Variants in PAG1 observed in about 807,000 individuals in gnomAD.
PAG1 encodes the protein phosphoprotein associated with glycosphingolipid-enriched microdomains 1.
In PAG1, 23 loss-of-function variants were observed where a neutral mutation model predicts 31.7. The ratio of observed to expected loss-of-function variants is 0.73; its 90% CI spans 0.52 to 1.03. PAG1 has a LOEUF of 1.03. Ranked by LOEUF, PAG1 falls within the 50% of genes least tolerant of loss-of-function variation. The pLI is 0.00. For synonymous variants in PAG1, 214 were observed against 210.3 expected (o/e 1.02, Z -0.15); for missense variants, 473 against 540.7 (o/e 0.87, Z 1.24).
At chr8:81,063,144 A>G (rs1184479244) in intron 2 of PAG1, among the ~76,000 whole-genome samples, 2 of 152,176 alleles carry the variant, frequency 1.3e-5, no homozygotes, top group African/African-American at 4.8e-5. Context: ...GAACTGAGTC[A>G]TCTCTCCCAG....
chr8:81,093,094 C>A (rs1395300625), intron 1 of PAG1, among the ~76,000 whole-genome samples: 1 of 152,130 alleles, frequency 6.6e-6, no homozygotes, highest in Non-Finnish European at 1.5e-5. Flanking sequence ...CTAAAAACAA[C>A]AACAAAACAG....
chr8:81,022,495 G>T (rs775718444), intron 3 of PAG1, among the ~76,000 whole-genome samples: 1 of 152,020 alleles, frequency 6.6e-6, no homozygotes, highest in East Asian at 1.9e-4. Context: ...AGCCACATTT[G>T]GATGTAATAG....
intron 3 of PAG1, among the ~76,000 whole-genome samples, chr8:81,028,490 G>A (rs1032980060): frequency 2.0e-5 from 3 of 152,174 alleles, no homozygotes; most frequent in Non-Finnish European, 2.9e-5. Context: ...TGTTCATCAA[G>A]TATTTCTAAA....
At chr8:80,994,807 ATTTGC>A (rs1194861011) in intron 3 of PAG1, among the ~76,000 whole-genome samples, 2 of 152,234 alleles carry the variant, frequency 1.3e-5, no homozygotes, top group Non-Finnish European at 2.9e-5. Context: ...TTTAAAGAAT[ATTTGC>A]TTTGCTCAAT....
rs1807114744 is a variant in PAG1 at position 80,973,277 on chromosome 8, T to C, written c.*3267A>G. On this transcript the variant is annotated 3_prime_UTR_variant, in exon 9 of 9. Coordinates refer to ENST00000220597, the MANE Select transcript of PAG1 (RefSeq NM_018440.4). ...ATGGAATTTAAGATTTCCTCAAATA[T>C]TTTCTTTTCTATATAGCGTTTTGTT... 1 of 152,176 alleles carries C rather than the reference T, an allele frequency of 6.6e-6. No homozygotes were observed. The highest frequency in any genetic ancestry group is 1.5e-5 in the Non-Finnish European group (1 of 68,032). 9.4% of individuals were successfully genotyped at this position (152,176 alleles called of 1,614,324 possible).
intron 2 of PAG1, among the ~76,000 whole-genome samples, chr8:81,053,013 C>A (rs540369727): frequency 6.6e-6 from 1 of 152,278 alleles, no homozygotes; most frequent in African/African-American, 2.4e-5. Flanking sequence ...TTACAATGCT[C>A]TTCTGTGCTC....
chr8:80,994,261 G>A (rs927600276), intron 3 of PAG1, among the ~76,000 whole-genome samples: 8 of 152,188 alleles, frequency 5.3e-5, no homozygotes, highest in Admixed American at 2.6e-4. Context: ...TGTATTCTGA[G>A]TATGTTTACA....
chr8:81,027,777 T>C (rs1563634703), intron 3 of PAG1, among the ~76,000 whole-genome samples: 2 of 151,896 alleles, frequency 1.3e-5, no homozygotes, highest in South Asian at 2.1e-4. Context: ...TGGTGGCGGA[T>C]GCCTGTAGTC....
intron 1 of PAG1, among the ~76,000 whole-genome samples, chr8:81,096,281 G>A (rs1290811881): frequency 2.6e-5 from 4 of 151,944 alleles, no homozygotes; most frequent in African/African-American, 4.9e-5. Context: ...TGGTCCTTGC[G>A]TATGGCCCTC....
chr8:81,081,099 C>A (rs981555003), intron 1 of PAG1, among the ~76,000 whole-genome samples: 14 of 152,148 alleles, frequency 9.2e-5, no homozygotes, highest in African/African-American at 3.4e-4. Context: ...TTCTTCTTTA[C>A]AATAATGCTG....
intron 2 of PAG1, among the ~76,000 whole-genome samples, chr8:81,042,741 G>A (rs957893134): frequency 6.6e-6 from 1 of 151,902 alleles, no homozygotes; most frequent in African/African-American, 2.4e-5. Context: ...GAAGAGAAGG[G>A]GTAAAGACTT....
intron 1 of PAG1, among the ~76,000 whole-genome samples, chr8:81,103,648 A>G (rs1809645104): frequency 6.6e-6 from 1 of 152,220 alleles, no homozygotes; most frequent in Non-Finnish European, 1.5e-5. Context: ...ATTATAGGAT[A>G]TTTTACTCAG....
chr8:80,971,807 A>T lies in PAG1; in HGVS notation c.*4737T>A, dbSNP rs1807083413. ...ATACTTCACAAATAGTAGAGACTAG[A>T]TGTAAACACAGACCTAAAAATGAGC... On this transcript the variant is annotated 3_prime_UTR_variant, in exon 9 of 9. Transcript: ENST00000220597. The T allele has an allele frequency of 6.6e-6, 1 of 152,270 alleles. No individual in the cohort carries two copies. The highest frequency in any genetic ancestry group is 2.1e-4 in the South Asian group (1 of 4,834). The allele number at this position is 152,270 out of a possible 1,614,324, so 9.4% of individuals were successfully genotyped here.
intron 1 of PAG1, among the ~76,000 whole-genome samples, chr8:81,087,923 T>C (rs962382904): frequency 6.6e-6 from 1 of 152,204 alleles, no homozygotes; most frequent in African/African-American, 2.4e-5. Context: ...TGAGATGTCA[T>C]TGGGCCCCTC....
At chr8:81,008,999 CAGA>C (rs1169033515) in intron 3 of PAG1, among the ~76,000 whole-genome samples, 2 of 151,996 alleles carry the variant, frequency 1.3e-5, no homozygotes, top group Admixed American at 6.6e-5. Flanking sequence ...TTTTACTTCT[CAGA>C]AGAAGGTTTT....
intron 7 of PAG1, among the ~76,000 whole-genome samples, chr8:80,983,273 C>T (rs936267332): frequency 6.6e-6 from 1 of 152,182 alleles, no homozygotes; most frequent in African/African-American, 2.4e-5. Context: ...TCAAACGTCA[C>T]CTTCATAGCT....
At chr8:80,991,088 G>T (rs1238160418) in intron 5 of PAG1, among the ~76,000 whole-genome samples, 1 of 152,186 alleles carries the variant, frequency 6.6e-6, no homozygotes, top group African/African-American at 2.4e-5. Flanking sequence ...AAGTTTGGCT[G>T]CAAACCACCA....
chr8:81,019,177 T>G (rs1808120361), intron 3 of PAG1, among the ~76,000 whole-genome samples: 1 of 152,196 alleles, frequency 6.6e-6, no homozygotes, highest in African/African-American at 2.4e-5. Context: ...AAGAAATTTC[T>G]AAGCAGCAAA....
At chr8:80,995,451 AAAG>A (rs1448900895) in intron 3 of PAG1, among the ~76,000 whole-genome samples, 1 of 152,268 alleles carries the variant, frequency 6.6e-6, no homozygotes, top group East Asian at 1.9e-4. Context: ...TTGTTGATGC[AAAG>A]AATAATTCAC....
Sources: allele counts gnomAD v4.1 joint callset (sites outside exome capture counted in the v4.1 genomes callset), GRCh38; gene constraint gnomAD v4.1.1; transcripts MANE v1.5; gene names NCBI Gene and HGNC (gene_info 2026-07-23, HGNC 2026-07-21).